The following DNAJB4 variants were observed in gnomAD, a reference collection of about 807,000 sequenced individuals.
DNAJB4 encodes the protein dnaJ homolog subfamily B member 4.
In DNAJB4, 10 loss-of-function variants were observed where a neutral mutation model predicts 26.6. That is an observed-to-expected ratio of 0.38 (90% CI 0.23 to 0.64). The LOEUF is 0.64. Among genes scored for constraint, DNAJB4 ranks in the 30% least tolerant of loss-of-function variants. The pLI is 0.58. For synonymous variants in DNAJB4, 136 were observed against 134.8 expected (o/e 1.01, Z -0.06); for missense variants, 328 against 408.2 (o/e 0.80, Z 1.69).
chr1:78,009,706 A>AT (rs898072034), intron 1 of DNAJB4, among the ~76,000 whole-genome samples: 5 of 152,064 alleles, frequency 3.3e-5, no homozygotes, highest in East Asian at 1.9e-4. Context: ...TTTTGGTAGG[A>AT]TTTTTTTCTT....
At chr1:77,982,871 A>G (rs1659691619) in intron 1 of DNAJB4, among the ~76,000 whole-genome samples, 1 of 152,232 alleles carries the variant, frequency 6.6e-6, no homozygotes. Flanking sequence ...ACTATATGTG[A>G]ATCCGTAAAA....
At chr1:77,995,131 G>A (rs756433301) in intron 1 of DNAJB4, among the ~76,000 whole-genome samples, 9 of 151,968 alleles carry the variant, frequency 5.9e-5, no homozygotes, top group Non-Finnish European at 1.2e-4. Flanking sequence ...CAAATATTTA[G>A]TACAAAAAAT....
At chr1:77,981,266 TCTCCCACCTCAGC>T (rs535501606) in intron 1 of DNAJB4, 3 of 151,942 alleles carry the variant, frequency 2.0e-5, no homozygotes, top group Admixed American at 2.0e-4. Flanking sequence ...TTCAAGAGAT[TCTCCCACCTCAGC>T]CTCTGGAGTA....
At chr1:77,982,955 C>T (rs914196107) in intron 1 of DNAJB4, among the ~76,000 whole-genome samples, 1 of 152,148 alleles carries the variant, frequency 6.6e-6, no homozygotes, top group Non-Finnish European at 1.5e-5. Context: ...GAACGAGAGA[C>T]TTAGGAAAGA....
rs1045673660 is a variant in DNAJB4, at chr1:78,012,672, G to A, written c.212-379G>A. Among the ~76,000 whole-genome samples, 4 of 152,122 alleles carry A rather than the reference G, an allele frequency of 2.6e-5. No individual in the cohort carries two copies. In the South Asian group the frequency reaches 8.3e-4, roughly 32 times the overall value. ...TAAAAATACAAAATTAGCCGGGCGT[G>A]GTGGCACATGCCTGTAATCCCAGCT... On this transcript the variant is annotated intron_variant, in intron 1 of 2. Transcript: ENST00000370763.
At chr1:77,998,400 A>C (rs1660114239) in intron 1 of DNAJB4, among the ~76,000 whole-genome samples, 1 of 152,248 alleles carries the variant, frequency 6.6e-6, no homozygotes, top group Admixed American at 6.5e-5. Flanking sequence ...TGCCTAAAAA[A>C]GGACATTTAC....
At chr1:77,989,103 CAG>C (rs1659871285) in intron 1 of DNAJB4, among the ~76,000 whole-genome samples, 2 of 151,344 alleles carry the variant, frequency 1.3e-5, no homozygotes, top group Admixed American at 1.3e-4. Flanking sequence ...TCTTTTTAAA[CAG>C]AGTATTGATA....
upstream of DNAJB4, among the ~76,000 whole-genome samples, chr1:78,002,105 T>C (rs181206009): frequency 6.6e-6 from 1 of 152,328 alleles, no homozygotes; most frequent in Admixed American, 6.5e-5. Context: ...AGACTATTTC[T>C]ATGTATTTTT....
chr1:77,998,835 C>A (rs112797400), intron 1 of DNAJB4, among the ~76,000 whole-genome samples: 6,819 of 122,732 alleles, frequency 0.056, 220 homozygotes, highest in Non-Finnish European at 0.075. Flanking sequence ...AGAGTGAGAT[C>A]CTGTCTCTAA....
chr1:78,011,010 C>A (rs560371711), intron 1 of DNAJB4, among the ~76,000 whole-genome samples: 73 of 152,298 alleles, frequency 4.8e-4, no homozygotes, highest in African/African-American at 1.6e-3. Context: ...ATATTAGAAT[C>A]TCCTAGCTTA....
In DNAJB4 at chr1:77,988,035, C is replaced by G. The variant is rs796616142; in HGVS notation, c.-32+7713C>G. On this transcript the variant is annotated intron_variant, in intron 1 of 2. Transcript: ENST00000426517. ...TATATATGTGTGTGTGTGTATTTCC[C>G]CCCCCCCCCAGACAGTGTCTCACTT... Among the ~76,000 whole-genome samples the G allele has an allele frequency of 1.1e-4, 14 of 122,916 alleles. 1 individual carries two copies. The highest frequency in any genetic ancestry group is 1.5e-4 in the African/African-American group (5 of 32,840). The allele number at this position is 122,916 out of a possible 152,430, so 80.6% of individuals were successfully genotyped here.
chr1:77,982,563 C>CT (rs11276171), intron 1 of DNAJB4, among the ~76,000 whole-genome samples: 2 of 151,746 alleles, frequency 1.3e-5, no homozygotes, highest in East Asian at 1.9e-4. Context: ...TGCCTCATGC[C>CT]GAGGCGGGTG....
intron 1 of DNAJB4, among the ~76,000 whole-genome samples, chr1:77,996,240 ACCT>A (rs150252443): frequency 0.029 from 4,396 of 151,956 alleles, 81 homozygotes; most frequent in Middle Eastern, 0.075. Context: ...TGCAGCCTTG[ACCT>A]CCTGGACCCA....
chr1:78,008,955 T>C, intron 1 of DNAJB4, among the ~76,000 whole-genome samples: 1 of 152,228 alleles, frequency 6.6e-6, no homozygotes, highest in Non-Finnish European at 1.5e-5. Context: ...TTCTAATTTT[T>C]CTTTTTTTAT....
At chr1:77,984,666 G>A (rs1393666023) in intron 1 of DNAJB4, among the ~76,000 whole-genome samples, 2 of 152,064 alleles carry the variant, frequency 1.3e-5, no homozygotes, top group African/African-American at 2.4e-5. Flanking sequence ...GTCAAGGACC[G>A]CGTCTTATTC....
At chr1:78,013,645 A>G in intron 2 of DNAJB4, 26 bp downstream of exon 2, 1 of 1,495,896 alleles carries the variant, frequency 6.7e-7, no homozygotes, top group South Asian at 1.3e-5. Flanking sequence ...CTAAAATCCT[A>G]AGACCAAATA....
chr1:77,997,669 A>G (rs1040399557), intron 1 of DNAJB4, among the ~76,000 whole-genome samples: 1 of 152,070 alleles, frequency 6.6e-6, no homozygotes, highest in African/African-American at 2.4e-5. Flanking sequence ...CCAAATTGCA[A>G]ATTCTCCCTT....
chr1:77,995,738 C>CTA (rs1413392182), intron 1 of DNAJB4, among the ~76,000 whole-genome samples: 1 of 152,206 alleles, frequency 6.6e-6, no homozygotes, highest in Non-Finnish European at 1.5e-5. Context: ...CAAGTGTGAG[C>CTA]TATCACCCTG....
chr1:78,012,985 G>C, intron 1 of DNAJB4, 66 bp from the exon 2 acceptor site: 1 of 1,415,514 alleles, frequency 7.1e-7, no homozygotes, highest in East Asian at 2.4e-5. Flanking sequence ...TAGCAATACA[G>C]TTTTTGAAAG....
Sources: gnomAD v4.1 joint callset for allele counts (sites outside exome capture counted in the v4.1 genomes callset) on GRCh38, gnomAD v4.1.1 for gene constraint, MANE v1.5 for transcripts, NCBI Gene and HGNC (gene_info 2026-07-23, HGNC 2026-07-21) for gene names.